Variants in MALSU1 observed in about 807,000 individuals in gnomAD.
The protein encoded by MALSU1 is mitochondrial assembly of ribosomal large subunit 1, also known as mitochondrial assembly of ribosomal large subunit protein 1.
A neutral mutation model predicts 22.1 loss-of-function variants in MALSU1; 22 were observed. That is an observed-to-expected ratio of 1.00 (90% CI 0.71 to 1.42). The LOEUF (loss-of-function observed/expected upper bound fraction) is 1.42, where lower values mean the gene tolerates loss of function less well. Ranked by LOEUF, MALSU1 falls within the 40% of genes most tolerant of loss-of-function variation. The pLI is 0.00. For synonymous variants in MALSU1, 153 were observed against 118.5 expected (o/e 1.29, Z -1.89); for missense variants, 379 against 308.3 (o/e 1.23, Z -1.72).
At chr7:23,301,449 G>A (rs993589909) in intron 2 of MALSU1, among the ~76,000 whole-genome samples, 1 of 152,000 alleles carries the variant, frequency 6.6e-6, no homozygotes, top group Admixed American at 6.5e-5. Flanking sequence ...TAGTAGAGAC[G>A]GGTTTCTCCA....
At chr7:23,305,134 G>A (rs576432606) in intron 2 of MALSU1, among the ~76,000 whole-genome samples, 3 of 152,262 alleles carry the variant, frequency 2.0e-5, no homozygotes, top group East Asian at 3.9e-4. Flanking sequence ...CCTCAGCAAC[G>A]TTTGTTGGAA....
At chr7:23,308,188 A>G (rs546231025) in intron 3 of MALSU1, among the ~76,000 whole-genome samples, 1 of 152,228 alleles carries the variant, frequency 6.6e-6, no homozygotes, top group Non-Finnish European at 1.5e-5. Flanking sequence ...AGGAAGATAT[A>G]TACTACATGG....
At chr7:23,306,685 G>A (rs1232752277) in intron 2 of MALSU1, among the ~76,000 whole-genome samples, 2 of 152,142 alleles carry the variant, frequency 1.3e-5, no homozygotes, top group Non-Finnish European at 2.9e-5. Flanking sequence ...CGTCAGTTCA[G>A]ATTATCATAT....
chr7:23,306,021 C>T (rs1402357008), intron 2 of MALSU1, among the ~76,000 whole-genome samples: 2 of 152,040 alleles, frequency 1.3e-5, no homozygotes, highest in African/African-American at 4.8e-5. Flanking sequence ...ATGGAGAAAC[C>T]CCGTCTCTAC....
intron 2 of MALSU1, among the ~76,000 whole-genome samples, chr7:23,303,299 G>A (rs900186048): frequency 2.0e-5 from 3 of 152,186 alleles, no homozygotes; most frequent in Admixed American, 1.3e-4. Flanking sequence ...ATTTGTGACC[G>A]ACTTATCTGA....
At chr7:23,300,790 G>A (rs1783631814) in intron 1 of MALSU1, 49 bp from the exon 2 acceptor site, 2 of 1,519,570 alleles carry the variant, frequency 1.3e-6, no homozygotes, top group East Asian at 4.5e-5. Context: ...GTGCATACAC[G>A]TCTATCTGCT....
chr7:23,307,551 A>G lies in MALSU1; in HGVS notation c.436-317A>G, dbSNP rs1227080864. ...AAGGTGAAGGAAAGCTGGGATGAAC[A>G]CAAGTGATGGATGTAGGTGGGTACC... On this transcript the variant is annotated intron_variant, in intron 2 of 3. Transcript: ENST00000466681. The G allele has an allele frequency of 2.2e-5, 5 of 230,634 alleles. No homozygotes were observed. In the Admixed American group the frequency reaches 2.7e-4, roughly 12 times the overall value. The allele number at this position is 230,634 out of a possible 1,614,324, so 14.3% of individuals were successfully genotyped here.
At chr7:23,302,270 A>G (rs1783658377) in intron 2 of MALSU1, among the ~76,000 whole-genome samples, 2 of 152,214 alleles carry the variant, frequency 1.3e-5, no homozygotes, top group Non-Finnish European at 2.9e-5. Flanking sequence ...CTGAATATGA[A>G]TCAGAATGAG....
At chr7:23,309,223 A>T in intron 3 of MALSU1, 133 bp from the exon 4 acceptor site, 1 of 762,168 alleles carries the variant, frequency 1.3e-6, no homozygotes, top group Non-Finnish European at 2.1e-6. Context: ...GATGGAGTCC[A>T]CAGTGATGCT....
In MALSU1 at chr7:23,310,181, C is replaced by G. The variant is rs1007622996; in HGVS notation, c.*638C>G. ...AGAACATTCCCATTCAATTGAAAAC[C>G]AAAAATAAAACATACTACACAACAA... is the stretch of plus-strand genomic sequence containing the variant. On this transcript the variant is annotated 3_prime_UTR_variant, in exon 4 of 4. Transcript: ENST00000466681. 2 of 151,830 alleles carry G rather than the reference C, an allele frequency of 1.3e-5. No homozygotes were observed. The highest frequency in any genetic ancestry group is 4.8e-5 in the African/African-American group (2 of 41,312). 9.4% of individuals were successfully genotyped at this position (151,830 alleles called of 1,614,324 possible). A position where few individuals can be genotyped will look rare whatever the true frequency, so the allele number is the denominator to read the frequency against.
intron 2 of MALSU1, among the ~76,000 whole-genome samples, chr7:23,307,190 A>T (rs917880538): frequency 1.2e-4 from 18 of 152,214 alleles, no homozygotes; most frequent in South Asian, 4.1e-4. Context: ...CTCTAAAATC[A>T]GTAGTGTCAC....
Position 23,299,520 on chromosome 7 carries a change from CTT to C in MALSU1, c.170_171del (p.Phe57CysfsTer36). On this transcript the variant is annotated frameshift_variant, in exon 1 of 4. Coordinates refer to ENST00000466681, the MANE Select transcript of MALSU1 (RefSeq NM_138446.2). LOFTEE classifies it high-confidence loss of function. The part of the protein sequence containing the change: ...AFCRACQTPN[F>X]VRGLHSEPGL... ...TCTGCCGGGCTTGCCAGACCCCAAACTTTGTCCGCGGCCTGCACAGCGAGCCT... is the reference window on the plus strand; with the variant it reads ...TCTGCCGGGCTTGCCAGACCCCAAACTGTCCGCGGCCTGCACAGCGAGCCT... 1 of 1,612,906 alleles carries C rather than the reference CTT, an allele frequency of 6.2e-7. No individual in the cohort carries two copies. Among genetic ancestry groups the C allele is most frequent in the Non-Finnish European group, 8.5e-7 (1 of 1,179,856 alleles).
At chr7:23,304,391 T>C (rs1420821670) in intron 2 of MALSU1, among the ~76,000 whole-genome samples, 2 of 152,236 alleles carry the variant, frequency 1.3e-5, no homozygotes, top group Admixed American at 6.5e-5. Context: ...CATGACGTGA[T>C]ATCTCATTGT....
chr7:23,307,770 TAAA>T, intron 2 of MALSU1, 95 bp from the exon 3 acceptor site: 1 of 754,588 alleles, frequency 1.3e-6, no homozygotes, highest in Non-Finnish European at 2.2e-6. Flanking sequence ...TAAGAAAGAT[TAAA>T]AAAAACAAAC....
At chr7:23,307,609 A>G (rs1236374450) in intron 2 of MALSU1, 1 of 363,598 alleles carries the variant, frequency 2.8e-6, no homozygotes, top group Admixed American at 4.4e-5. Context: ...TTTCAGCCTC[A>G]GAGGCACCTT....
intron 2 of MALSU1, 64 bp from the exon 3 acceptor site, chr7:23,307,804 C>T: frequency 1.0e-6 from 1 of 964,660 alleles, no homozygotes; most frequent in South Asian, 1.5e-5. Flanking sequence ...AAAAAAAAGA[C>T]CTTCAGCAAG....
chr7:23,303,583 G>C (rs988529665), intron 2 of MALSU1, among the ~76,000 whole-genome samples: 3 of 152,030 alleles, frequency 2.0e-5, no homozygotes, highest in African/African-American at 7.3e-5. Flanking sequence ...GATTGCTTGA[G>C]CTCAGAAGTT....
intron 2 of MALSU1, among the ~76,000 whole-genome samples, chr7:23,303,696 G>T (rs1167665230): frequency 6.6e-6 from 1 of 151,750 alleles, no homozygotes; most frequent in Non-Finnish European, 1.5e-5. Flanking sequence ...TGTAGTCCCA[G>T]CTACTTGGAA....
At position 23,309,855 on chromosome 7, in the gene MALSU1, C is replaced by A; in HGVS notation, c.*312C>A. ...TCAGATTTTTATTAATTTAATTTAG[C>A]TTAAATGTAAATCTTAACCCTGTTT... On this transcript the variant is annotated 3_prime_UTR_variant, in exon 4 of 4. Coordinates refer to ENST00000466681, the MANE Select transcript of MALSU1 (RefSeq NM_138446.2). 5.8e-6 allele frequency: 1 copy of A among 171,870 alleles called. No individual in the cohort carries two copies. Among genetic ancestry groups the A allele is most frequent in the East Asian group, 1.5e-4 (1 of 6,660 alleles). The allele number at this position is 171,870 out of a possible 1,614,324, so 10.6% of individuals were successfully genotyped here. A position where few individuals can be genotyped will look rare whatever the true frequency, so the allele number is the denominator to read the frequency against.
Sources: allele counts gnomAD v4.1 joint callset (sites outside exome capture counted in the v4.1 genomes callset), GRCh38; gene constraint gnomAD v4.1.1; transcripts MANE v1.5; gene names NCBI Gene and HGNC (gene_info 2026-07-23, HGNC 2026-07-21).